CLPB: variants seen among roughly 807,000 people sequenced by gnomAD.
CLPB encodes the protein mitochondrial disaggregase.
A neutral mutation model predicts 78.4 loss-of-function variants in CLPB; 40 were observed. That is an observed-to-expected ratio of 0.51 (90% confidence interval 0.40 to 0.66). The LOEUF (loss-of-function observed/expected upper bound fraction) is 0.66, where lower values mean the gene tolerates loss of function less well. CLPB is among the 30% of genes least tolerant of loss of function. CLPB has a pLI of 0.00. For synonymous variants in CLPB, 333 were observed against 348.0 expected (o/e 0.96, Z 0.48); for missense variants, 780 against 886.9 (o/e 0.88, Z 1.53).
intron 7 of CLPB, among the ~76,000 whole-genome samples, chr11:72,313,871 A>C (rs1565431663): frequency 6.6e-6 from 1 of 152,254 alleles, no homozygotes; most frequent in Non-Finnish European, 1.5e-5. Context: ...TGAATGTCTC[A>C]GCAGACAACG....
At chr11:72,405,799 G>C (rs1028515324) in intron 2 of CLPB, among the ~76,000 whole-genome samples, 2 of 152,100 alleles carry the variant, frequency 1.3e-5, no homozygotes, top group African/African-American at 4.8e-5. Flanking sequence ...GTGGTGGCAG[G>C]CACGTGTAGT....
In CLPB at chr11:72,434,489, C is replaced by T. The variant is rs1856658997; in HGVS notation, c.-15G>A. 4 of 1,524,104 alleles carry T rather than the reference C, an allele frequency of 2.6e-6. No homozygotes were observed. The highest frequency in any genetic ancestry group is 3.5e-6 in the Non-Finnish European group (4 of 1,134,782). The allele number at this position is 1,524,104 out of a possible 1,614,324, so 94.4% of individuals were successfully genotyped here. On this transcript the variant is annotated 5_prime_UTR_variant, in exon 1 of 16. Coordinates refer to ENST00000538039, the MANE Select transcript of CLPB (RefSeq NM_001258392.3). ...GACCCCAGCATCTTGACAGCTGCTT[C>T]GATAACCCCGTGGTGCCGGCCCCTG...
At chr11:72,346,544 T>G (rs185689888) in intron 5 of CLPB, among the ~76,000 whole-genome samples, 2 of 150,490 alleles carry the variant, frequency 1.3e-5, no homozygotes, top group African/African-American at 2.4e-5. Flanking sequence ...GAGATGAGCC[T>G]GAGACATTTC....
chr11:72,312,045 G>T lies in CLPB; in HGVS notation c.989-3441C>A, dbSNP rs774546514. On this transcript the variant is annotated intron_variant, in intron 7 of 15. Transcript: ENST00000538039. This position sits in a 1 kb window ranked among gnomAD's most constrained non-coding sequence, Gnocchi z 4.2. ...ATCTACCGGGTGGTATAGTGGAGAG[G>T]GCAGGAGTTACAGGATCTAGCATGG... Among the ~76,000 whole-genome samples the T allele has an allele frequency of 6.6e-6, 1 of 152,160 alleles. No individual in the cohort carries two copies. The highest frequency in any genetic ancestry group is 1.5e-5 in the Non-Finnish European group (1 of 68,032).
intron 4 of CLPB, among the ~76,000 whole-genome samples, chr11:72,377,685 G>GGGGAAGGGAAA (rs1185986626): frequency 1.3e-5 from 2 of 150,032 alleles, no homozygotes; most frequent in African/African-American, 5.0e-5. Flanking sequence ...GGGAAGGGAA[G>GGGGAAGGGAAA]GGGAAGGGAA....
At chr11:72,419,908 G>A (rs1013017029) in intron 2 of CLPB, among the ~76,000 whole-genome samples, 3 of 152,176 alleles carry the variant, frequency 2.0e-5, no homozygotes, top group Non-Finnish European at 4.4e-5. Flanking sequence ...TCTGACTACT[G>A]ATCTACCAAG....
intron 1 of CLPB, among the ~76,000 whole-genome samples, chr11:72,431,406 G>C (rs1319760695): frequency 6.6e-6 from 1 of 152,210 alleles, no homozygotes. Context: ...AGCAGGATCT[G>C]GAGACAGTCA....
At chr11:72,373,549 C>T (rs1756522942) in intron 4 of CLPB, among the ~76,000 whole-genome samples, 1 of 152,186 alleles carries the variant, frequency 6.6e-6, no homozygotes, top group Non-Finnish European at 1.5e-5. Flanking sequence ...ATACTTCTCT[C>T]TACATTTATT....
chr11:72,379,976 C>T (rs1854853902), intron 4 of CLPB, among the ~76,000 whole-genome samples: 3 of 152,152 alleles, frequency 2.0e-5, no homozygotes, highest in Admixed American at 1.3e-4. Flanking sequence ...CACTCATCTG[C>T]GGCTCTCCAG....
intron 5 of CLPB, chr11:72,355,416 A>T (rs955418459): frequency 2.9e-4 from 44 of 152,240 alleles, no homozygotes; most frequent in Admixed American, 2.9e-3. Context: ...ATGGAATTAC[A>T]GCTGCCAGAA....
In CLPB at chr11:72,313,149, T is replaced by C. The variant is rs981952390; in HGVS notation, c.988+3957A>G. 4.7e-4 allele frequency among the ~76,000 whole-genome samples: 72 copies of C among 152,276 alleles called. 1 individual carries two copies. The highest frequency in any genetic ancestry group is 1.7e-3 in the African/African-American group (71 of 41,556). On this transcript the variant is annotated intron_variant, in intron 7 of 15. Coordinates refer to ENST00000538039, the MANE Select transcript of CLPB (RefSeq NM_001258392.3). Reference sequence around the variant, plus strand: ...GTTTTTTATAACCTAATCTGGAACATGTTTGTCACATGTCTGTGGCATCTC... The same window carrying C: ...GTTTTTTATAACCTAATCTGGAACACGTTTGTCACATGTCTGTGGCATCTC...
intron 3 of CLPB, among the ~76,000 whole-genome samples, chr11:72,392,156 T>C (rs926561657): frequency 6.6e-6 from 1 of 152,044 alleles, no homozygotes; most frequent in African/African-American, 2.4e-5. Context: ...CCCTACACAA[T>C]GTTGAGCTTC....
intron 7 of CLPB, among the ~76,000 whole-genome samples, chr11:72,313,813 A>G (rs183441575): frequency 8.1e-4 from 124 of 152,352 alleles, no homozygotes; most frequent in Non-Finnish European, 1.3e-3. Flanking sequence ...AAACATTCCA[A>G]TTATACTCTT....
intron 2 of CLPB, among the ~76,000 whole-genome samples, chr11:72,429,336 T>C (rs1856477631): frequency 6.6e-6 from 1 of 152,136 alleles, no homozygotes; most frequent in Non-Finnish European, 1.5e-5. Flanking sequence ...GAATCAATAA[T>C]AATGCTGCAG....
chr11:72,391,955 C>T, intron 3 of CLPB, among the ~76,000 whole-genome samples: 1 of 152,078 alleles, frequency 6.6e-6, no homozygotes, highest in Non-Finnish European at 1.5e-5. Context: ...AGGGCAGTTA[C>T]TTCAATCAGT....
At chr11:72,351,744 G>A (rs570979969) in intron 5 of CLPB, among the ~76,000 whole-genome samples, 1 of 151,924 alleles carries the variant, frequency 6.6e-6, no homozygotes, top group South Asian at 2.1e-4. Context: ...GCTAATTTTT[G>A]TATTTTTAGT....
rs540543899 is a variant in CLPB, at chr11:72,414,258, T to C, written c.456-11206A>G. On this transcript the variant is annotated intron_variant, in intron 2 of 15. Transcript: ENST00000538039. Reference sequence around the variant, plus strand: ...GGGTACCCCTGCCCAGAGCTATTAATATATGCATTTCCCAGAGAGTCAGCA... The same window carrying C: ...GGGTACCCCTGCCCAGAGCTATTAACATATGCATTTCCCAGAGAGTCAGCA... Among the ~76,000 whole-genome samples, 31 of 152,214 alleles carry C rather than the reference T, an allele frequency of 2.0e-4. 1 individual carries two copies. The South Asian group carries it at 2.1e-3, about 10-fold the overall frequency.
chr11:72,341,332 C>A (rs1950417050), intron 5 of CLPB, among the ~76,000 whole-genome samples: 1 of 152,118 alleles, frequency 6.6e-6, no homozygotes, highest in African/African-American at 2.4e-5. Flanking sequence ...TCAGGGCCAC[C>A]AGCAGCAGAA....
At chr11:72,322,348 G>T (rs898184655) in intron 6 of CLPB, among the ~76,000 whole-genome samples, 21 of 152,294 alleles carry the variant, frequency 1.4e-4, no homozygotes, top group African/African-American at 4.8e-4. Flanking sequence ...ATGAGAGAAG[G>T]TTGAGGGGCA....
Sources: gnomAD v4.1 joint callset for allele counts (sites outside exome capture counted in the v4.1 genomes callset) on GRCh38, gnomAD v4.1.1 for gene constraint, Gnocchi (gnomAD v3.1) non-coding constraint, MANE v1.5 for transcripts, NCBI Gene and HGNC (gene_info 2026-07-23, HGNC 2026-07-21) for gene names.